The following DGKI variants were observed in gnomAD, a reference collection of about 807,000 sequenced individuals.
DGKI encodes the protein DAG kinase iota.
A neutral mutation model predicts 147.5 loss-of-function variants in DGKI; 55 were observed. That is an observed-to-expected ratio of 0.37 (90% CI 0.30 to 0.47). The LOEUF (loss-of-function observed/expected upper bound fraction) is 0.47. Ranked by LOEUF, DGKI falls within the 20% of genes least tolerant of loss-of-function variation. The pLI, the probability that DGKI is intolerant of heterozygous loss-of-function variation, is 1.00. For synonymous variants in DGKI, 469 were observed against 477.1 expected, an observed-to-expected ratio of 0.98 and a Z score of 0.22; for missense variants, 1,007 against 1,323.8, an observed-to-expected ratio of 0.76 and a Z score of 3.71.
chr7:137,481,448 G>C (rs1047862773), intron 23 of DGKI, among the ~76,000 whole-genome samples: 2 of 152,126 alleles, frequency 1.3e-5, no homozygotes, highest in Admixed American at 1.3e-4. Flanking sequence ...TCCTAAATCT[G>C]CAAGTGCAAT....
chr7:137,403,029 C>T (rs927934405), intron 30 of DGKI, among the ~76,000 whole-genome samples: 7 of 151,186 alleles, frequency 4.6e-5, no homozygotes, highest in African/African-American at 9.7e-5. Context: ...TGCAGGGTGG[C>T]GAAGGAAAGA....
chr7:137,500,849 C>A (rs1816146227), intron 21 of DGKI, among the ~76,000 whole-genome samples: 1 of 152,124 alleles, frequency 6.6e-6, no homozygotes, highest in African/African-American at 2.4e-5. Context: ...TCACCTCAAG[C>A]ATTTATCACT....
intron 1 of DGKI, among the ~76,000 whole-genome samples, chr7:137,754,703 C>T (rs1357611136): frequency 3.3e-5 from 5 of 152,140 alleles, no homozygotes; most frequent in Admixed American, 1.3e-4. Flanking sequence ...ATAAATAGAT[C>T]CACGACATGA....
At chr7:137,635,163 T>C (rs1333398319) in intron 6 of DGKI, among the ~76,000 whole-genome samples, 2 of 152,186 alleles carry the variant, frequency 1.3e-5, no homozygotes, top group Admixed American at 6.5e-5. Context: ...ATCCCATTGA[T>C]GGATGGTGCA....
chr7:137,788,635 T>TACACACACACAC (rs745381286), intron 1 of DGKI, among the ~76,000 whole-genome samples: 18 of 120,214 alleles, frequency 1.5e-4, no homozygotes, highest in African/African-American at 5.9e-4. Context: ...AACCCATAAA[T>TACACACACACAC]ACACACACAC....
intron 5 of DGKI, 78 bp downstream of exon 5, chr7:137,654,654 C>T (rs541320235): frequency 8.1e-5 from 85 of 1,043,378 alleles, no homozygotes; most frequent in Non-Finnish European, 1.1e-4. Context: ...TTTTTTATTC[C>T]CTGGTGAATA....
chr7:137,836,665 C>A (rs1439591745), intron 1 of DGKI, among the ~76,000 whole-genome samples: 1 of 152,204 alleles, frequency 6.6e-6, no homozygotes, highest in African/African-American at 2.4e-5. Context: ...GCAATCATTT[C>A]TTGGCCCCAG....
chr7:137,700,878 CAAATAAAT>C (rs143983872), intron 1 of DGKI, among the ~76,000 whole-genome samples: 1,532 of 146,702 alleles, frequency 0.01, 21 homozygotes, highest in African/African-American at 0.03. Context: ...AGCTCCGTCT[CAAATAAAT>C]AAATAAATAA....
intron 1 of DGKI, among the ~76,000 whole-genome samples, chr7:137,831,098 A>C (rs973139632): frequency 6.6e-6 from 1 of 152,220 alleles, no homozygotes; most frequent in African/African-American, 2.4e-5. Flanking sequence ...ACTCTCTAAC[A>C]ATTAGAATTG....
intron 23 of DGKI, among the ~76,000 whole-genome samples, chr7:137,477,551 C>T (rs1368909373): frequency 6.6e-6 from 1 of 152,140 alleles, no homozygotes; most frequent in African/African-American, 2.4e-5. Context: ...AGAGTTTCAC[C>T]TATTAGCAAG....
chr7:137,579,367 A>G (rs1017212781), intron 15 of DGKI, among the ~76,000 whole-genome samples: 15 of 151,426 alleles, frequency 9.9e-5, no homozygotes, highest in Admixed American at 9.2e-4. Flanking sequence ...TTTTTCTTCT[A>G]TAGCTTAGCT....
rs778828758 is a variant in DGKI, at chr7:137,609,522, C to T, written c.1068+13G>A. Reference sequence around the variant, plus strand: ...AGTGGAAATTCCTCAGAATAAAACTCTGAAACACTTACTTCCATCCCTCTT... The same window carrying T: ...AGTGGAAATTCCTCAGAATAAAACTTTGAAACACTTACTTCCATCCCTCTT... On this transcript the variant is annotated intron_variant, in intron 9 of 32. Coordinates refer to ENST00000614521, the MANE Select transcript of DGKI (RefSeq NM_001321708.2). 3.1e-6 allele frequency: 5 copies of T among 1,600,174 alleles called. No homozygotes were observed. The highest frequency in any genetic ancestry group is 4.3e-6 in the Non-Finnish European group (5 of 1,167,664).
At chr7:137,801,882 C>A (rs985955294) in intron 1 of DGKI, among the ~76,000 whole-genome samples, 2 of 152,134 alleles carry the variant, frequency 1.3e-5, no homozygotes, top group Non-Finnish European at 2.9e-5. Flanking sequence ...TGCCCCCCTG[C>A]CCCATCACTC....
At chr7:137,523,708 A>G (rs1817045758) in intron 20 of DGKI, among the ~76,000 whole-genome samples, 1 of 152,180 alleles carries the variant, frequency 6.6e-6, no homozygotes, top group South Asian at 2.1e-4. Context: ...GCTGGACATC[A>G]AAAAGGTATG....
intron 6 of DGKI, among the ~76,000 whole-genome samples, chr7:137,640,896 A>G (rs1160967882): frequency 2.0e-5 from 3 of 152,244 alleles, no homozygotes; most frequent in Non-Finnish European, 4.4e-5. Context: ...ATATGAAAAT[A>G]CATACTATTT....
chr7:137,482,168 G>A (rs886548989), intron 23 of DGKI, among the ~76,000 whole-genome samples: 5 of 151,884 alleles, frequency 3.3e-5, no homozygotes, highest in African/African-American at 9.7e-5. Context: ...AAAAAAATAC[G>A]GAAATCAATC....
At chr7:137,562,201 T>C (rs1384408798) in intron 19 of DGKI, among the ~76,000 whole-genome samples, 1 of 151,196 alleles carries the variant, frequency 6.6e-6, no homozygotes, top group Admixed American at 6.6e-5. Flanking sequence ...AATGCTGATT[T>C]GTGGAGCTCA....
intron 27 of DGKI, among the ~76,000 whole-genome samples, chr7:137,455,087 A>G (rs971579497): frequency 6.6e-6 from 1 of 152,174 alleles, no homozygotes; most frequent in Non-Finnish European, 1.5e-5. Context: ...AAATCCAAAT[A>G]AGGACTTCTG....
chr7:137,722,591 A>T, intron 1 of DGKI: 4 of 1,576,934 alleles, frequency 2.5e-6, no homozygotes, highest in Non-Finnish European at 3.5e-6. Flanking sequence ...ACCAAAATCG[A>T]TATCAGCAAT....
Sources: allele counts gnomAD v4.1 joint callset (sites outside exome capture counted in the v4.1 genomes callset), GRCh38; gene constraint gnomAD v4.1.1; transcripts MANE v1.5; gene names NCBI Gene and HGNC (gene_info 2026-07-23, HGNC 2026-07-21).